SLC2A9: variants seen among roughly 807,000 people sequenced by gnomAD.
SLC2A9 encodes solute carrier family 2 member 9, also known as solute carrier family 2, facilitated glucose transporter member 9.
A neutral mutation model predicts 50.6 loss-of-function variants in SLC2A9; 39 were observed. That is an observed-to-expected ratio of 0.77 (90% CI 0.60 to 1.01). The LOEUF is 1.01. SLC2A9 is among the 50% of genes least tolerant of loss of function. The probability of loss-of-function intolerance (pLI) is 0.00; values close to 1 mark genes in which losing one functional copy is unlikely to be tolerated. For missense variants in SLC2A9, 686 were observed against 677.6 expected (o/e 1.01, Z -0.14); for synonymous variants, 324 against 276.9 (o/e 1.17, Z -1.69).
At chr4:9,850,042 T>C (rs1729615811) in intron 10 of SLC2A9, among the ~76,000 whole-genome samples, 1 of 150,094 alleles carries the variant, frequency 6.7e-6, no homozygotes, top group African/African-American at 2.5e-5. Flanking sequence ...AGCCACATCT[T>C]CAGAGAGAAG....
chr4:9,796,200 G>A (rs567210567), downstream of SLC2A9, among the ~76,000 whole-genome samples: 13 of 152,270 alleles, frequency 8.5e-5, no homozygotes, highest in East Asian at 9.6e-4. Context: ...GATAAAAGAC[G>A]TCAATTTCTG....
chr4:9,796,687 G>A (rs1272417174), downstream of SLC2A9, among the ~76,000 whole-genome samples: 1 of 152,142 alleles, frequency 6.6e-6, no homozygotes, highest in Non-Finnish European at 1.5e-5. Context: ...TGGTTCTACA[G>A]GGCTCTTCTG....
intron 10 of SLC2A9, among the ~76,000 whole-genome samples, chr4:9,861,952 A>C (rs1731728074): frequency 6.6e-6 from 1 of 152,160 alleles, no homozygotes; most frequent in Admixed American, 6.6e-5. Context: ...CTTACCACGG[A>C]GTTATGAGAT....
intron 3 of SLC2A9, among the ~76,000 whole-genome samples, chr4:9,786,972 G>A (rs531857757): frequency 6.6e-6 from 1 of 152,300 alleles, no homozygotes; most frequent in South Asian, 2.1e-4. Flanking sequence ...ACTTGGCCAG[G>A]CAGGCAGACT....
At chr4:9,772,997 TGG>T (rs1456493283) in intron 1 of SLC2A9, among the ~76,000 whole-genome samples, 1 of 152,156 alleles carries the variant, frequency 6.6e-6, no homozygotes, top group Non-Finnish European at 1.5e-5. Flanking sequence ...GTTCCAGAGC[TGG>T]TAAGTCAGAG....
At chr4:9,917,309 A>G (rs1302988855) in intron 7 of SLC2A9, among the ~76,000 whole-genome samples, 1 of 150,054 alleles carries the variant, frequency 6.7e-6, no homozygotes. Flanking sequence ...CCAACTTTTG[A>G]ATAATTTCTT....
intron 1 of SLC2A9, chr4:9,771,517 C>G: frequency 2.5e-6 from 1 of 398,656 alleles, no homozygotes; most frequent in Non-Finnish European, 4.4e-6. Context: ...ATAGAGAGTG[C>G]ACAGATAGCT....
At chr4:9,953,285 G>C (rs1321271475) in intron 5 of SLC2A9, among the ~76,000 whole-genome samples, 1 of 152,194 alleles carries the variant, frequency 6.6e-6, no homozygotes, top group Non-Finnish European at 1.5e-5. Context: ...CTTCTCCTGA[G>C]GTAACATCAT....
intron 6 of SLC2A9, among the ~76,000 whole-genome samples, chr4:9,938,240 C>T (rs1437563238): frequency 6.6e-6 from 1 of 150,726 alleles, no homozygotes; most frequent in East Asian, 1.9e-4. Context: ...TTTTCTGTGT[C>T]TCCAACCCAT....
intron 10 of SLC2A9, among the ~76,000 whole-genome samples, chr4:9,885,973 T>A (rs1321714970): frequency 6.6e-6 from 1 of 152,196 alleles, no homozygotes; most frequent in Non-Finnish European, 1.5e-5. Context: ...AACAAATGAG[T>A]ACGCAGGAAA....
In SLC2A9 at chr4:9,955,465, C is replaced by A. The variant is rs528512369; in HGVS notation, c.682-13420G>T. 9.5e-5 allele frequency among the ~76,000 whole-genome samples: 4 copies of A among 42,274 alleles called. 1 individual carries two copies. The highest frequency in any genetic ancestry group is 1.8e-4 in the Non-Finnish European group (4 of 21,878). The allele number at this position is 42,274 out of a possible 152,430, so 27.7% of individuals were successfully genotyped here. A position where few individuals can be genotyped will look rare whatever the true frequency, so the allele number is the denominator to read the frequency against. On this transcript the variant is annotated intron_variant, in intron 5 of 11. Coordinates refer to ENST00000264784, the MANE Select transcript of SLC2A9 (RefSeq NM_020041.3). ...AGCCGAGATTGCGCCACTGCACTCC[C>A]GCCTGGGCCACAGAGCGAGACTCCG...
chr4:9,895,149 TG>T (rs1335441111), intron 8 of SLC2A9, among the ~76,000 whole-genome samples: 7 of 152,088 alleles, frequency 4.6e-5, no homozygotes, highest in Non-Finnish European at 7.4e-5. Flanking sequence ...TTGGAAAGGG[TG>T]GGGTGAGGGA....
chr4:9,852,257 T>C (rs1730066001), intron 10 of SLC2A9, among the ~76,000 whole-genome samples: 1 of 151,622 alleles, frequency 6.6e-6, no homozygotes, highest in Non-Finnish European at 1.5e-5. Context: ...CTTTTTTTTT[T>C]TTTTTTGAGA....
chr4:9,888,007 T>A (rs776530372), intron 9 of SLC2A9, among the ~76,000 whole-genome samples: 4 of 149,458 alleles, frequency 2.7e-5, no homozygotes, highest in Non-Finnish European at 4.4e-5. Flanking sequence ...CTCAGCAAAC[T>A]GACACAAGAA....
At chr4:10,017,678 A>T (rs1762848530) in intron 2 of SLC2A9, among the ~76,000 whole-genome samples, 1 of 152,222 alleles carries the variant, frequency 6.6e-6, no homozygotes, top group Non-Finnish European at 1.5e-5. Flanking sequence ...TGGACTCCCA[A>T]GCAAGGAAAA....
chr4:9,909,598 G>T (rs373996271), intron 7 of SLC2A9, among the ~76,000 whole-genome samples: 1 of 152,310 alleles, frequency 6.6e-6, no homozygotes, highest in Admixed American at 6.5e-5. Flanking sequence ...CCAGTCAAAT[G>T]AACATGACCA....
At chr4:9,823,745 T>C (rs1055832440), downstream of SLC2A9, among the ~76,000 whole-genome samples, 4 of 152,198 alleles carry the variant, frequency 2.6e-5, no homozygotes, top group Non-Finnish European at 4.4e-5. Context: ...AATATCAGAG[T>C]ATAAACAAAA....
At chr4:9,930,487 C>T (rs1211255823) in intron 6 of SLC2A9, among the ~76,000 whole-genome samples, 1 of 152,200 alleles carries the variant, frequency 6.6e-6, no homozygotes, top group Non-Finnish European at 1.5e-5. Flanking sequence ...CACACCTGTG[C>T]TGGCTCCTGT....
At position 9,893,569 on chromosome 4, in the gene SLC2A9, TGAGGGAGG is replaced by T. The variant is rs370490478; in HGVS notation, c.1114-2866_1114-2859del. Among the ~76,000 whole-genome samples the T allele has an allele frequency of 3.3e-3, 370 of 111,948 alleles. 3 individuals are homozygous for T. The highest frequency in any genetic ancestry group is 0.025 in the South Asian group (79 of 3,122). The allele number at this position is 111,948 out of a possible 152,430, so 73.4% of individuals were successfully genotyped here. A position where few individuals can be genotyped will look rare whatever the true frequency, so the allele number is the denominator to read the frequency against. ...GGCAGAGAGGGACGGAGGGAGAGAATGAGGGAGGGAGGGAGGGAGTGAGGGAGGGAGGG... is the reference window on the plus strand; with the variant it reads ...GGCAGAGAGGGACGGAGGGAGAGAATGAGGGAGGGAGTGAGGGAGGGAGGG... On this transcript the variant is annotated intron_variant, in intron 8 of 11. Transcript: ENST00000264784.
Sources: gnomAD v4.1 joint callset for allele counts (sites outside exome capture counted in the v4.1 genomes callset) on GRCh38, gnomAD v4.1.1 for gene constraint, MANE v1.5 for transcripts, NCBI Gene and HGNC (gene_info 2026-07-23, HGNC 2026-07-21) for gene names.